Variants in NFYA observed in about 807,000 individuals in gnomAD.
NFYA encodes CAAT-box DNA binding protein subunit A.
In NFYA, 28 loss-of-function variants were observed where a neutral mutation model predicts 52.8. That is an observed-to-expected ratio of 0.53 (90% CI 0.39 to 0.73). The LOEUF (loss-of-function observed/expected upper bound fraction) is 0.73, where lower values mean the gene tolerates loss of function less well. Among genes scored for constraint, NFYA ranks in the 30% least tolerant of loss-of-function variants. The probability of loss-of-function intolerance (pLI) is 0.00; values close to 1 mark genes in which losing one functional copy is unlikely to be tolerated. For missense variants in NFYA, 234 were observed against 427.0 expected (o/e 0.55, Z 3.98); for synonymous variants, 150 against 150.7 (o/e 1.00, Z 0.03).
rs1228369003 is a variant in NFYA, at chr6:41,097,495, G to T, written c.*85G>T. 1.4e-6 allele frequency: 2 copies of T among 1,403,940 alleles called. No homozygotes were observed. Among genetic ancestry groups the T allele is most frequent in the Non-Finnish European group, 1.0e-6 (1 of 993,532 alleles). The allele number at this position is 1,403,940 out of a possible 1,614,324, so 87.0% of individuals were successfully genotyped here. On this transcript the variant is annotated 3_prime_UTR_variant, in exon 10 of 10. Transcript: ENST00000341376. The stretch of plus-strand genomic sequence containing the variant: ...TCAACTCTTCCAATGGGACATTGAT[G>T]ATCACATTCTGCCCTTTACTACAGG...
chr6:41,079,843 T>C (rs1228588318), intron 2 of NFYA, among the ~76,000 whole-genome samples: 1 of 152,224 alleles, frequency 6.6e-6, no homozygotes, highest in African/African-American at 2.4e-5. Context: ...ATACTTTGTT[T>C]TCAAAATGGA....
At chr6:41,092,355 C>T (rs896269796) in intron 7 of NFYA, among the ~76,000 whole-genome samples, 4 of 152,058 alleles carry the variant, frequency 2.6e-5, no homozygotes, top group African/African-American at 7.2e-5. Flanking sequence ...AGAGAGACCT[C>T]GTTTCTACGA....
intron 1 of NFYA, among the ~76,000 whole-genome samples, chr6:41,078,772 G>A (rs1763814292): frequency 6.6e-6 from 1 of 152,164 alleles, no homozygotes; most frequent in Non-Finnish European, 1.5e-5. Flanking sequence ...TCTCTTAGGT[G>A]CAAGTATTGC....
Position 41,084,026 on chromosome 6 carries a change from C to G in NFYA, c.163-20C>G, listed in dbSNP as rs746317318. 2 of 1,578,142 alleles carry G rather than the reference C, an allele frequency of 1.3e-6. No individual in the cohort carries two copies. The highest frequency in any genetic ancestry group is 1.2e-5 in the South Asian group (1 of 85,630). ...TTGTGTCTTATGTTATTTCATTGTT[C>G]TTATTTTATTTCATTCTAGGTCCAA... is the stretch of plus-strand genomic sequence containing the variant. On this transcript the variant is annotated intron_variant, in intron 3 of 9. Coordinates refer to ENST00000341376, the MANE Select transcript of NFYA (RefSeq NM_002505.5).
chr6:41,095,083 C>T (rs1357866844), intron 9 of NFYA, among the ~76,000 whole-genome samples: 1 of 152,076 alleles, frequency 6.6e-6, no homozygotes, highest in African/African-American at 2.4e-5. Context: ...CTTTTGTTCC[C>T]CTCTAGCCTA....
chr6:41,097,422 G>A lies in NFYA; in HGVS notation c.*12G>A. On this transcript the variant is annotated 3_prime_UTR_variant, in exon 10 of 10. Transcript: ENST00000341376. ...TCCGAGTGTCCTAACCCCACGCCAT[G>A]TGATGGAGCTGATCAAGGTCATGTT... 6.2e-7 allele frequency: 1 copy of A among 1,613,710 alleles called. No homozygotes were observed. Among genetic ancestry groups the A allele is most frequent in the Non-Finnish European group, 8.5e-7 (1 of 1,179,710 alleles).
intron 3 of NFYA, 41 bp from the exon 4 acceptor site, chr6:41,084,005 G>A (rs1763978068): frequency 1.9e-6 from 3 of 1,546,362 alleles, no homozygotes; most frequent in South Asian, 1.2e-5. Context: ...ACCATTTTGT[G>A]TCTTATGTTA....
At chr6:41,074,196 T>C (rs1345571873) in intron 1 of NFYA, among the ~76,000 whole-genome samples, 1 of 152,248 alleles carries the variant, frequency 6.6e-6, no homozygotes, top group Admixed American at 6.5e-5. Context: ...TTTATGTTTT[T>C]CTGATACACT....
rs7761413 is a variant in NFYA at position 41,092,576 on chromosome 6, A to G, written c.715-336A>G. ...ATAGGCATTTAGTAGCACTTGGTCT[A>G]TCTATTTTTGTGCTGTTTTTTTGTC... On this transcript the variant is annotated intron_variant, in intron 7 of 9. Coordinates refer to ENST00000341376, the MANE Select transcript of NFYA (RefSeq NM_002505.5). 1.3e-5 allele frequency among the ~76,000 whole-genome samples: 2 copies of G among 152,178 alleles called. 1 individual carries two copies. The highest frequency in any genetic ancestry group is 4.1e-4 in the South Asian group (2 of 4,824).
chr6:41,089,808 G>A (rs2113811940), intron 5 of NFYA, 98 bp downstream of exon 5: 1 of 1,480,150 alleles, frequency 6.8e-7, no homozygotes, highest in East Asian at 2.3e-5. Context: ...AGTAGAAAAG[G>A]GGATGAAAAC....
chr6:41,090,902 CAA>C (rs1398899183), intron 6 of NFYA, among the ~76,000 whole-genome samples: 1 of 151,994 alleles, frequency 6.6e-6, no homozygotes, highest in African/African-American at 2.4e-5. Context: ...ATAGTTAAAT[CAA>C]AAAAGGACAT....
intron 4 of NFYA, among the ~76,000 whole-genome samples, chr6:41,087,682 A>G (rs539129016): frequency 1.3e-5 from 2 of 152,168 alleles, no homozygotes; most frequent in South Asian, 2.1e-4. Flanking sequence ...ATTTTGAGCT[A>G]TGGGGCTCTC....
At chr6:41,079,451 A>G (rs1763848521) in intron 2 of NFYA, among the ~76,000 whole-genome samples, 1 of 152,124 alleles carries the variant, frequency 6.6e-6, no homozygotes, top group Non-Finnish European at 1.5e-5. Flanking sequence ...TCTGGATTCT[A>G]TTTGGTCTTT....
intron 9 of NFYA, among the ~76,000 whole-genome samples, chr6:41,095,366 A>G (rs1444789769): frequency 6.6e-6 from 1 of 152,160 alleles, no homozygotes; most frequent in Non-Finnish European, 1.5e-5. Flanking sequence ...TATGCCCTTT[A>G]TCTTTTTCAT....
At chr6:41,078,578 A>G (rs1763806867) in intron 1 of NFYA, among the ~76,000 whole-genome samples, 1 of 152,208 alleles carries the variant, frequency 6.6e-6, no homozygotes, top group African/African-American at 2.4e-5. Context: ...GTGGATCTTC[A>G]ACTCTTAAAG....
rs146924569 is a variant in NFYA at position 41,080,820 on chromosome 6, G to T, written c.85G>T (p.Gly29Cys). The T allele has an allele frequency of 1.2e-6, 2 of 1,613,396 alleles. No homozygotes were observed. The highest frequency in any genetic ancestry group is 1.7e-5 in the Admixed American group (1 of 60,004). The change falls in exon 3 of 10, where the codon GGT becomes TGT. Residue 29 changes from glycine (G) to cysteine (C), a missense_variant. By Grantham distance (159) the Gly-to-Cys change is radical. Around this residue, in one of 3 missense-constraint regions of NFYA, gnomAD observed 118 missense variants for 182.4 expected, o/e 0.65. Transcript: ENST00000341376. ...CTGTTCCTGTTCTCAGCAGCAGGGT[G>T]GTGTCACTGCTGTGCAGTTGCAGAC... ...AGQIQQQQQG[G>C]VTAVQLQTEA...
rs1022262839 is a variant in NFYA, at chr6:41,084,364, A to C, written c.309+172A>C. Among the ~76,000 whole-genome samples, 63 of 152,256 alleles carry C rather than the reference A, an allele frequency of 4.1e-4. 1 individual carries two copies. On this transcript the variant is annotated intron_variant, in intron 4 of 9. Transcript: ENST00000341376. ...CCAGTGATATAAACTAGAACTATGC[A>C]GAAATTGGACAGCTCCAGTAATGAC...
intron 1 of NFYA, among the ~76,000 whole-genome samples, chr6:41,078,265 A>C (rs1763794673): frequency 6.6e-6 from 1 of 152,234 alleles, no homozygotes; most frequent in African/African-American, 2.4e-5. Context: ...GACACCTTGC[A>C]AATGATTAAT....
intron 1 of NFYA, among the ~76,000 whole-genome samples, chr6:41,073,788 C>T (rs1480259633): frequency 6.6e-6 from 1 of 152,164 alleles, no homozygotes; most frequent in Non-Finnish European, 1.5e-5. Flanking sequence ...CCGCCGCGCC[C>T]CTCCTCCCAG....
Sources: gnomAD v4.1 joint callset for allele counts (sites outside exome capture counted in the v4.1 genomes callset) on GRCh38, gnomAD v4.1.1 for gene constraint, gnomAD v4.1.1 regional missense constraint, MANE v1.5 for transcripts, NCBI Gene and HGNC (gene_info 2026-07-23, HGNC 2026-07-21) for gene names.